The following BRINP3 variants were observed in gnomAD, a reference collection of about 807,000 sequenced individuals.
BRINP3 encodes the protein BMP/retinoic acid inducible neural specific 3.
Under a neutral mutation model 71.0 loss-of-function variants are expected in BRINP3, and 19 were observed. The ratio of observed to expected loss-of-function variants is 0.27; its 90% CI spans 0.19 to 0.39. BRINP3 has a LOEUF of 0.39. Ranked by LOEUF, BRINP3 falls within the 10% of genes least tolerant of loss-of-function variation. The pLI, the probability that BRINP3 is intolerant of heterozygous loss-of-function variation, is 1.00. For synonymous variants in BRINP3, 380 were observed against 337.7 expected (o/e 1.13, Z -1.37); for missense variants, 959 against 940.8 (o/e 1.02, Z -0.25).
chr1:190,360,284 C>T (rs1033747944), intron 2 of BRINP3, among the ~76,000 whole-genome samples: 2 of 152,080 alleles, frequency 1.3e-5, no homozygotes, highest in South Asian at 2.1e-4. Flanking sequence ...TAATTATTGT[C>T]CAAACCAGAA....
intron 1 of BRINP3, chr1:190,475,645 G>T (rs1677448656): frequency 1.3e-5 from 2 of 152,178 alleles, no homozygotes; most frequent in African/African-American, 4.8e-5. Context: ...GCCGTGAGCT[G>T]CGGAGAAATC....
intron 6 of BRINP3, among the ~76,000 whole-genome samples, chr1:190,161,883 C>T (rs566329452): frequency 1.3e-5 from 2 of 152,162 alleles, no homozygotes; most frequent in Non-Finnish European, 2.9e-5. Flanking sequence ...ATAAACCAGA[C>T]ACAAAAGGAA....
chr1:190,383,999 C>A (rs1670717662), intron 2 of BRINP3, among the ~76,000 whole-genome samples: 1 of 151,774 alleles, frequency 6.6e-6, no homozygotes, highest in Non-Finnish European at 1.5e-5. Flanking sequence ...AACATTGAGA[C>A]ACAGAGAAGT....
intron 7 of BRINP3, among the ~76,000 whole-genome samples, chr1:190,133,701 T>C (rs1333089500): frequency 6.6e-6 from 1 of 152,130 alleles, no homozygotes; most frequent in Non-Finnish European, 1.5e-5. Context: ...TGAATATGCA[T>C]ACTTGTACAT....
At chr1:190,235,914 T>G (rs972290159) in intron 4 of BRINP3, among the ~76,000 whole-genome samples, 1 of 151,948 alleles carries the variant, frequency 6.6e-6, no homozygotes, top group African/African-American at 2.4e-5. Context: ...CTCACTAGAA[T>G]GAGAGCTCCA....
At chr1:190,192,548 C>T (rs916961045) in intron 6 of BRINP3, among the ~76,000 whole-genome samples, 1 of 151,502 alleles carries the variant, frequency 6.6e-6, no homozygotes, top group African/African-American at 2.4e-5. Context: ...GAAGCCTGCT[C>T]TTTAGATTTG....
At chr1:190,236,906 T>A (rs958077505) in intron 4 of BRINP3, among the ~76,000 whole-genome samples, 1 of 151,912 alleles carries the variant, frequency 6.6e-6, no homozygotes, top group Non-Finnish European at 1.5e-5. Flanking sequence ...CTGCCTTTTT[T>A]AGAAAGTTTT....
chr1:190,245,318 CTTA>C (rs1387463135), intron 4 of BRINP3, among the ~76,000 whole-genome samples: 1 of 150,308 alleles, frequency 6.7e-6, no homozygotes, highest in African/African-American at 2.5e-5. Flanking sequence ...TCTTTAGGAA[CTTA>C]TTATCAGTAA....
At chr1:190,157,765 T>C (rs556596958) in intron 7 of BRINP3, among the ~76,000 whole-genome samples, 4 of 152,046 alleles carry the variant, frequency 2.6e-5, no homozygotes, top group Admixed American at 6.6e-5. Flanking sequence ...AGAAAACTTA[T>C]GAGATGCATA....
At chr1:190,185,378 C>T (rs1396738637) in intron 6 of BRINP3, among the ~76,000 whole-genome samples, 1 of 151,898 alleles carries the variant, frequency 6.6e-6, no homozygotes, top group Non-Finnish European at 1.5e-5. Context: ...CAGGGAAATG[C>T]AAATCAAAAC....
chr1:190,295,666 C>T (rs909675478), intron 2 of BRINP3, among the ~76,000 whole-genome samples: 3 of 152,016 alleles, frequency 2.0e-5, no homozygotes, highest in South Asian at 2.1e-4. Context: ...CTTCTGTGGG[C>T]GCCAGTCTAG....
intron 7 of BRINP3, among the ~76,000 whole-genome samples, chr1:190,155,089 T>C (rs1424928585): frequency 6.6e-6 from 1 of 152,090 alleles, no homozygotes; most frequent in African/African-American, 2.4e-5. Flanking sequence ...ATAAGTTCTT[T>C]TGTTATTGCC....
At chr1:190,102,971 T>G (rs1234098245) in intron 7 of BRINP3, among the ~76,000 whole-genome samples, 1 of 152,080 alleles carries the variant, frequency 6.6e-6, no homozygotes, top group Non-Finnish European at 1.5e-5. Context: ...TAGTTTGAAA[T>G]GTTTAGACAG....
At chr1:190,186,853 A>G (rs543186918) in intron 6 of BRINP3, among the ~76,000 whole-genome samples, 1 of 152,112 alleles carries the variant, frequency 6.6e-6, no homozygotes, top group Non-Finnish European at 1.5e-5. Flanking sequence ...ATATTCTCCC[A>G]GTTTCAAGAT....
intron 2 of BRINP3, among the ~76,000 whole-genome samples, chr1:190,330,818 T>C (rs1227658858): frequency 6.6e-6 from 1 of 152,030 alleles, no homozygotes; most frequent in African/African-American, 2.4e-5. Context: ...AACAAAATTA[T>C]GTCCTTTGCA....
chr1:190,244,623 G>A (rs1378004775), intron 4 of BRINP3, among the ~76,000 whole-genome samples: 1 of 152,178 alleles, frequency 6.6e-6, no homozygotes, highest in Admixed American at 6.6e-5. Flanking sequence ...TGCACACAAA[G>A]CAATCTGTCA....
intron 6 of BRINP3, among the ~76,000 whole-genome samples, chr1:190,174,578 C>T (rs1652327501): frequency 6.6e-6 from 1 of 151,822 alleles, no homozygotes; most frequent in Non-Finnish European, 1.5e-5. Context: ...TAATATGTAG[C>T]TAATTTTAAA....
rs367704040 is a variant in BRINP3 at position 190,226,106 on chromosome 1, A to C, written c.937T>G (p.Tyr313Asp). 1.9e-5 allele frequency: 30 copies of C among 1,602,660 alleles called. No homozygotes were observed. The highest frequency in any genetic ancestry group is 2.6e-5 in the Non-Finnish European group (30 of 1,173,460). The stretch of plus-strand genomic sequence containing the variant: ...CCTGATTCCTCAAAGTCACTGTTGT[A>C]AGCTTTCCAGGTTTCAGTTATTCGA... The part of the protein sequence containing the change: ...LLRITETWKA[Y>D]NSDFEESDEF... Residue 313 changes from tyrosine to aspartate, a missense_variant, in exon 6 of 8, where the codon TAC (tyrosine) becomes GAC (aspartate). Tyr to Asp is a radical substitution (Grantham distance 160). Coordinates refer to ENST00000367462, the MANE Select transcript of BRINP3 (RefSeq NM_199051.3).
intron 2 of BRINP3, among the ~76,000 whole-genome samples, chr1:190,300,915 A>C (rs1349097799): frequency 6.6e-6 from 1 of 151,868 alleles, no homozygotes; most frequent in Admixed American, 6.6e-5. Flanking sequence ...CAACGAAACA[A>C]AGCTGGATGG....
Sources: allele counts gnomAD v4.1 joint callset (sites outside exome capture counted in the v4.1 genomes callset), GRCh38; gene constraint gnomAD v4.1.1; transcripts MANE v1.5; gene names NCBI Gene and HGNC (gene_info 2026-07-23, HGNC 2026-07-21).